Variants in CXXC5 observed in about 807,000 individuals in gnomAD.
CXXC5 encodes the protein CXXC-type zinc finger protein 5.
CXXC5 carries 2 observed loss-of-function variants against 17.6 expected under a neutral mutation model. That is an observed-to-expected ratio of 0.11 (90% confidence interval 0.05 to 0.36). The LOEUF is 0.36. Among genes scored for constraint, CXXC5 ranks in the 10% least tolerant of loss-of-function variants. The pLI is 1.00. For missense variants in CXXC5, 343 were observed against 458.3 expected (o/e 0.75, Z 2.30); for synonymous variants, 171 against 193.0 (o/e 0.89, Z 0.94).
intron 1 of CXXC5, among the ~76,000 whole-genome samples, chr5:139,667,085 A>G (rs1756150940): frequency 6.6e-6 from 1 of 152,074 alleles, no homozygotes; most frequent in East Asian, 1.9e-4. Context: ...AGGGAGCATC[A>G]TGGGCAGGCT....
intron 1 of CXXC5, among the ~76,000 whole-genome samples, chr5:139,664,065 A>G (rs151324456): frequency 2.3e-3 from 350 of 152,310 alleles, no homozygotes; most frequent in African/African-American, 8.0e-3. Flanking sequence ...TAGTTGAGCC[A>G]GCCCCCTCCC....
chr5:139,677,338 G>A (rs1581623540), intron 1 of CXXC5, among the ~76,000 whole-genome samples: 1 of 152,112 alleles, frequency 6.6e-6, no homozygotes, highest in African/African-American at 2.4e-5. Flanking sequence ...GGGGATGGCT[G>A]TGTGCCCTAG....
chr5:139,667,909 A>T (rs1267956214), intron 1 of CXXC5, among the ~76,000 whole-genome samples: 1 of 152,224 alleles, frequency 6.6e-6, no homozygotes, highest in Non-Finnish European at 1.5e-5. Flanking sequence ...GGGCCCCAGC[A>T]GCTGCGGTGG....
At chr5:139,674,143 T>C (rs1384531290) in intron 1 of CXXC5, among the ~76,000 whole-genome samples, 1 of 152,166 alleles carries the variant, frequency 6.6e-6, no homozygotes, top group Non-Finnish European at 1.5e-5. Flanking sequence ...TGCCCTGTGC[T>C]CTCCGCCTGG....
At chr5:139,675,478 G>A (rs943440770) in intron 1 of CXXC5, 2 of 152,136 alleles carry the variant, frequency 1.3e-5, no homozygotes, top group Non-Finnish European at 2.9e-5. Flanking sequence ...TGCCCCAGGT[G>A]GGGGCACTCT....
chr5:139,672,530 G>A (rs1020032226), intron 1 of CXXC5, among the ~76,000 whole-genome samples: 1 of 152,190 alleles, frequency 6.6e-6, no homozygotes, highest in African/African-American at 2.4e-5. Context: ...CCTGCGTCCT[G>A]CTCAAAACCC....
rs1347957810 is a variant in CXXC5, at chr5:139,661,785, G to T, written c.-161+12940G>T. Among the ~76,000 whole-genome samples, 3 of 152,256 alleles carry T rather than the reference G, an allele frequency of 2.0e-5. No homozygotes were observed. The highest frequency in any genetic ancestry group is 4.4e-5 in the Non-Finnish European group (3 of 68,052). ...AAGAGGCCCGGCCTTCAGCCATGTTGTGTCCACCGGGTTCTGCAAGGTGTG... is the reference window on the plus strand; with the variant it reads ...AAGAGGCCCGGCCTTCAGCCATGTTTTGTCCACCGGGTTCTGCAAGGTGTG... On this transcript the variant is annotated intron_variant, in intron 1 of 2. Transcript: ENST00000302517. The surrounding 1 kb of genome is among the most constrained non-coding windows in gnomAD (Gnocchi z 4.7).
At chr5:139,650,302 G>C (rs1755096230) in intron 1 of CXXC5, among the ~76,000 whole-genome samples, 2 of 152,152 alleles carry the variant, frequency 1.3e-5, no homozygotes, top group Non-Finnish European at 2.9e-5. Context: ...CGGATGGGGG[G>C]GGAGCTAAGG....
chr5:139,672,370 G>A (rs1027074449), intron 1 of CXXC5, among the ~76,000 whole-genome samples: 11 of 152,174 alleles, frequency 7.2e-5, no homozygotes, highest in Non-Finnish European at 1.0e-4. Context: ...CACCTGCCTC[G>A]GCTTCCCAAA....
At position 139,682,996 on chromosome 5, in the gene CXXC5, C is replaced by T. The variant is rs777449201; in HGVS notation, c.*89C>T. 25 of 1,206,108 alleles carry T rather than the reference C, an allele frequency of 2.1e-5. No individual in the cohort carries two copies. Among genetic ancestry groups the T allele is most frequent in the Non-Finnish European group, 2.7e-5 (24 of 898,356 alleles). 74.7% of individuals were successfully genotyped at this position (1,206,108 alleles called of 1,614,324 possible). On this transcript the variant is annotated 3_prime_UTR_variant, in exon 3 of 3. Transcript: ENST00000302517. ...GGATTCGGGCGAAGACAAACGGATG[C>T]ACCCGTCTTTAGAACCAAAAATATT...
intron 2 of CXXC5, among the ~76,000 whole-genome samples, chr5:139,682,313 AC>A (rs1057278536): frequency 1.5e-5 from 2 of 130,672 alleles, no homozygotes; most frequent in African/African-American, 3.1e-5. Flanking sequence ...CCTCCTGGTT[AC>A]CCTCCCCCAA....
chr5:139,673,782 T>G (rs1017435049), intron 1 of CXXC5, among the ~76,000 whole-genome samples: 1 of 146,660 alleles, frequency 6.8e-6, no homozygotes, highest in African/African-American at 2.5e-5. Flanking sequence ...GCGGAGGTTG[T>G]GGTGAGCTGA....
chr5:139,665,025 C>T (rs962261233), intron 1 of CXXC5, among the ~76,000 whole-genome samples: 5 of 152,254 alleles, frequency 3.3e-5, no homozygotes, highest in Non-Finnish European at 7.3e-5. Context: ...GGTCACTGTA[C>T]CCCAGCCTTG....
In CXXC5 at chr5:139,681,189, T is replaced by A; in HGVS notation, c.666T>A (p.Ile222=). 1.2e-6 allele frequency: 2 copies of A among 1,612,902 alleles called. No individual in the cohort carries two copies. Among genetic ancestry groups the A allele is most frequent in the Non-Finnish European group, 8.5e-7 (1 of 1,179,976 alleles). The change falls in exon 2 of 3, where the codon ATT becomes ATA. Residue 222 remains isoleucine, a synonymous_variant. Transcript: ENST00000302517. ...TCCCCATCAACCCAGGCCTCTTCAT[T>A]ATGACCCCGGCAGGTGTGTTCCTGG... is the stretch of plus-strand genomic sequence containing the variant. The part of the protein sequence containing the change: ...GAFPINPGLF[I]MTPAGVFLAE...
In CXXC5 at chr5:139,682,876, C is replaced by A. The variant is rs760927108; in HGVS notation, c.938C>A (p.Pro313Gln). 6.3e-7 allele frequency: 1 copy of A among 1,594,554 alleles called. No homozygotes were observed. The highest frequency in any genetic ancestry group is 8.5e-7 in the Non-Finnish European group (1 of 1,170,402). ...PSAALEKVML[P>Q]TGAAFRWFQ ...CGCCCCCGCCAGAAGGTGATGCTTC[C>A]GACGGGAGCCGCCTTCCGGTGGTTT... The change falls in exon 3 of 3, where the codon CCG becomes CAG. Residue 313 changes from proline to glutamine, a missense_variant. Physicochemically the swap from Pro to Gln is moderately conservative, Grantham distance 76. Transcript: ENST00000302517.
chr5:139,673,059 G>A (rs1439940012), intron 1 of CXXC5, among the ~76,000 whole-genome samples: 1 of 152,184 alleles, frequency 6.6e-6, no homozygotes, highest in Non-Finnish European at 1.5e-5. Context: ...TCTGATTGGT[G>A]TCAGCTCAGA....
intron 1 of CXXC5, among the ~76,000 whole-genome samples, chr5:139,678,147 G>C (rs372315824): frequency 6.6e-4 from 100 of 152,356 alleles, no homozygotes; most frequent in Middle Eastern, 3.4e-3. Context: ...GGGCAGGGCA[G>C]ATGAGCTTAG....
At position 139,661,655 on chromosome 5, in the gene CXXC5, C is replaced by G. The variant is rs1469612639; in HGVS notation, c.-161+12810C>G. The stretch of plus-strand genomic sequence containing the variant: ...TGATCATTCTCAGGCCATAGCTTAC[C>G]CCTAGATGATGCCATAGAGTGGGCC... On this transcript the variant is annotated intron_variant, in intron 1 of 2. Transcript: ENST00000302517. This position sits in a 1 kb window ranked among gnomAD's most constrained non-coding sequence, Gnocchi z 4.7. 6.6e-6 allele frequency among the ~76,000 whole-genome samples: 1 copy of G among 152,214 alleles called. No individual in the cohort carries two copies. The highest frequency in any genetic ancestry group is 1.5e-5 in the Non-Finnish European group (1 of 68,044).
At chr5:139,651,788 G>T (rs1755192917) in intron 1 of CXXC5, among the ~76,000 whole-genome samples, 1 of 152,122 alleles carries the variant, frequency 6.6e-6, no homozygotes. Context: ...GGTTCCTAGA[G>T]CCCCTGTCTG....
Sources: gnomAD v4.1 joint callset for allele counts (sites outside exome capture counted in the v4.1 genomes callset) on GRCh38, gnomAD v4.1.1 for gene constraint, Gnocchi (gnomAD v3.1) non-coding constraint, MANE v1.5 for transcripts, NCBI Gene and HGNC (gene_info 2026-07-23, HGNC 2026-07-21) for gene names.